Variants in EVA1A observed in about 807,000 individuals in gnomAD.
EVA1A encodes the protein protein eva-1 homolog A.
Under a neutral mutation model 9.8 loss-of-function variants are expected in EVA1A, and 7 were observed. The ratio of observed to expected loss-of-function variants is 0.71; its 90% confidence interval spans 0.41 to 1.34. The LOEUF (loss-of-function observed/expected upper bound fraction) is 1.34, where lower values mean the gene tolerates loss of function less well. Ranked by LOEUF, EVA1A falls within the 40% of genes most tolerant of loss-of-function variation. The pLI, the probability that EVA1A is intolerant of heterozygous loss-of-function variation, is 0.01. For synonymous variants in EVA1A, 90 were observed against 85.6 expected (o/e 1.05, Z -0.28); for missense variants, 206 against 205.9 (o/e 1.00, Z 0.00).
At chr2:75,539,054 A>C (rs975444102) in intron 1 of EVA1A, among the ~76,000 whole-genome samples, 2 of 152,220 alleles carry the variant, frequency 1.3e-5, no homozygotes, top group Non-Finnish European at 2.9e-5. Context: ...TACATTTAAA[A>C]TTATCTCCAA....
intron 1 of EVA1A, among the ~76,000 whole-genome samples, chr2:75,544,366 T>A (rs1477225570): frequency 2.6e-5 from 4 of 152,196 alleles, no homozygotes; most frequent in Non-Finnish European, 5.9e-5. Context: ...CATAACATGC[T>A]GTACCATGGT....
At chr2:75,503,801 C>T (rs79708125) in intron 3 of EVA1A, among the ~76,000 whole-genome samples, 2,748 of 152,002 alleles carry the variant, frequency 0.018, 77 homozygotes, top group African/African-American at 0.063. Context: ...TGAAGAGAAG[C>T]GGGATACACG....
chr2:75,497,042 G>A (rs997354665), intron 3 of EVA1A, among the ~76,000 whole-genome samples: 3 of 152,110 alleles, frequency 2.0e-5, no homozygotes, highest in African/African-American at 7.2e-5. Context: ...TAACTCAAGA[G>A]GGATTAAAGA....
intron 1 of EVA1A, among the ~76,000 whole-genome samples, chr2:75,546,969 A>G (rs969931657): frequency 2.0e-5 from 3 of 151,282 alleles, no homozygotes; most frequent in Admixed American, 1.3e-4. Context: ...CCTGGGACAG[A>G]TCTTTCCCTA....
intron 1 of EVA1A, among the ~76,000 whole-genome samples, chr2:75,526,703 G>A (rs1378035293): frequency 6.6e-6 from 1 of 152,254 alleles, no homozygotes; most frequent in African/African-American, 2.4e-5. Context: ...TAGCACAGGA[G>A]CAAAGGGATA....
chr2:75,511,709 T>G (rs1228859029), intron 3 of EVA1A, among the ~76,000 whole-genome samples: 1 of 152,166 alleles, frequency 6.6e-6, no homozygotes, highest in Non-Finnish European at 1.5e-5. Flanking sequence ...CTACATGTCT[T>G]TTTATAATTA....
chr2:75,567,205 C>T (rs1012988583), intron 1 of EVA1A, among the ~76,000 whole-genome samples: 8 of 152,264 alleles, frequency 5.3e-5, no homozygotes, highest in African/African-American at 1.9e-4. Flanking sequence ...CATTGACTCT[C>T]ATTATAAAAT....
chr2:75,543,150 T>A (rs1676196659), intron 1 of EVA1A, among the ~76,000 whole-genome samples: 1 of 152,202 alleles, frequency 6.6e-6, no homozygotes, highest in African/African-American at 2.4e-5. Context: ...TGCGCTTGAA[T>A]AATTCTGACC....
chr2:75,553,068 C>T (rs1676580732), intron 1 of EVA1A, among the ~76,000 whole-genome samples: 1 of 152,216 alleles, frequency 6.6e-6, no homozygotes, highest in South Asian at 2.1e-4. Context: ...CTTCCTTTGT[C>T]CCCAGCCATG....
chr2:75,531,335 A>T (rs534013096), intron 1 of EVA1A, among the ~76,000 whole-genome samples: 1 of 152,206 alleles, frequency 6.6e-6, no homozygotes, highest in Non-Finnish European at 1.5e-5. Context: ...ACTATACGAC[A>T]GTACAGAGAT....
At chr2:75,521,752 T>C (rs1675237582) in intron 2 of EVA1A, among the ~76,000 whole-genome samples, 1 of 152,230 alleles carries the variant, frequency 6.6e-6, no homozygotes, top group African/African-American at 2.4e-5. Context: ...ATGATGGTGA[T>C]GGTTGCACAA....
intron 1 of EVA1A, among the ~76,000 whole-genome samples, chr2:75,532,710 C>T (rs1675712175): frequency 6.6e-6 from 1 of 152,082 alleles, no homozygotes; most frequent in South Asian, 2.1e-4. Context: ...AGAAAGTAAT[C>T]AAAGAAATAA....
intron 3 of EVA1A, among the ~76,000 whole-genome samples, chr2:75,498,798 C>T (rs895640112): frequency 8.7e-6 from 1 of 114,986 alleles, no homozygotes; most frequent in African/African-American, 4.0e-5. Context: ...GCACCACACA[C>T]ACCTTTTTTT....
chr2:75,521,026 A>C (rs1345908120), intron 2 of EVA1A, among the ~76,000 whole-genome samples: 1 of 152,204 alleles, frequency 6.6e-6, no homozygotes, highest in Non-Finnish European at 1.5e-5. Context: ...AAAAACAAAG[A>C]GCTCAATTTA....
chr2:75,559,347 C>T (rs1009939508), intron 1 of EVA1A, among the ~76,000 whole-genome samples: 47 of 152,212 alleles, frequency 3.1e-4, no homozygotes, highest in African/African-American at 1.1e-3. Flanking sequence ...TACTTTAAGC[C>T]CTAGCATCCC....
At chr2:75,515,983 T>A (rs1206992263) in intron 3 of EVA1A, among the ~76,000 whole-genome samples, 1 of 152,228 alleles carries the variant, frequency 6.6e-6, no homozygotes, top group Non-Finnish European at 1.5e-5. Flanking sequence ...AAGGCAGTTA[T>A]GTGTATTAGC....
intron 3 of EVA1A, among the ~76,000 whole-genome samples, chr2:75,504,116 G>A (rs1292314922): frequency 6.6e-6 from 1 of 152,114 alleles, no homozygotes; most frequent in Non-Finnish European, 1.5e-5. Flanking sequence ...TTTAGGCACT[G>A]TAAGAACATC....
At chr2:75,519,989 C>T (rs1159945366) in intron 2 of EVA1A, among the ~76,000 whole-genome samples, 1 of 152,162 alleles carries the variant, frequency 6.6e-6, no homozygotes, top group Non-Finnish European at 1.5e-5. Context: ...CACATCACTC[C>T]ACAACCCAAC....
chr2:75,535,089 A>G (rs1675827786), intron 1 of EVA1A, among the ~76,000 whole-genome samples: 1 of 152,164 alleles, frequency 6.6e-6, no homozygotes, highest in African/African-American at 2.4e-5. Context: ...CAGCAAGAAA[A>G]AAAAATCCCA....
Sources: allele counts gnomAD v4.1 joint callset (sites outside exome capture counted in the v4.1 genomes callset), GRCh38; gene constraint gnomAD v4.1.1; transcripts MANE v1.5; gene names NCBI Gene and HGNC (gene_info 2026-07-23, HGNC 2026-07-21).